Variants in TBC1D8 observed in about 807,000 individuals in gnomAD.
The protein encoded by TBC1D8 is BUB2-like protein 1.
In TBC1D8, 65 loss-of-function variants were observed where a neutral mutation model predicts 118.8. The observed-to-expected ratio is 0.55, with a 90% CI of 0.45 to 0.67. The LOEUF is 0.67. Ranked by LOEUF, TBC1D8 falls within the 30% of genes least tolerant of loss-of-function variation. TBC1D8 has a pLI of 0.00. For synonymous variants in TBC1D8, 566 were observed against 595.8 expected, an observed-to-expected ratio of 0.95 and a Z score of 0.73; for missense variants, 1,376 against 1,471.2, an observed-to-expected ratio of 0.94 and a Z score of 1.06.
At chr2:101,030,842 G>A (rs189569991) in intron 11 of TBC1D8, among the ~76,000 whole-genome samples, 7 of 152,358 alleles carry the variant, frequency 4.6e-5, no homozygotes, top group Admixed American at 2.6e-4. Context: ...CAATGTGGCT[G>A]CCTCTTACAG....
At chr2:101,068,895 G>A (rs538268782) in intron 2 of TBC1D8, among the ~76,000 whole-genome samples, 100 of 151,868 alleles carry the variant, frequency 6.6e-4, no homozygotes, top group Non-Finnish European at 1.0e-3. Flanking sequence ...AGATACTCAG[G>A]AGGCTGAGGC....
At chr2:101,053,081 C>A (rs940288021) in intron 4 of TBC1D8, among the ~76,000 whole-genome samples, 1 of 152,116 alleles carries the variant, frequency 6.6e-6, no homozygotes, top group Non-Finnish European at 1.5e-5. Context: ...TGGGACCCAG[C>A]ATAAAAATGC....
intron 1 of TBC1D8, among the ~76,000 whole-genome samples, chr2:101,121,473 A>T (rs56119811): frequency 0.12 from 17,988 of 152,224 alleles, 1,311 homozygotes; most frequent in South Asian, 0.21. Context: ...TGGCACTCAC[A>T]TCCCAGATTC....
intron 3 of TBC1D8, among the ~76,000 whole-genome samples, chr2:101,056,424 G>A (rs1048908702): frequency 6.6e-6 from 1 of 151,972 alleles, no homozygotes; most frequent in African/African-American, 2.4e-5. Flanking sequence ...GGATGGTCTC[G>A]ATTTCCTGAC....
Position 101,028,345 on chromosome 2 carries a change from G to A in TBC1D8, c.2310C>T (p.Tyr770=). ...TCAGGTCCGAAATATCAGTCACAGG[G>A]TAGGGCTCCTGGTCGTCGGAGAAAA... is the stretch of plus-strand genomic sequence containing the variant. The part of the protein sequence containing the change: ...HAFFSDDQEP[Y]PVTDISDLIR... Residue 770 remains tyrosine, a synonymous_variant, in exon 13 of 20, where the codon TAC becomes TAT. Transcript: ENST00000409318. 2 of 1,613,008 alleles carry A rather than the reference G, an allele frequency of 1.2e-6. No individual in the cohort carries two copies. Among genetic ancestry groups the A allele is most frequent in the Non-Finnish European group, 1.7e-6 (2 of 1,179,488 alleles).
chr2:101,114,329 G>A (rs917506662), intron 1 of TBC1D8, among the ~76,000 whole-genome samples: 8 of 151,238 alleles, frequency 5.3e-5, no homozygotes, highest in Admixed American at 6.6e-5. Flanking sequence ...ATAAGGGGGT[G>A]CAAGGGTAAG....
intron 17 of TBC1D8, chr2:101,019,380 T>C (rs1679886116): frequency 5.3e-6 from 1 of 187,488 alleles, no homozygotes; most frequent in Admixed American, 5.8e-5. Context: ...TTTTTCATTA[T>C]GAAAGTAAGT....
chr2:101,040,824 G>A (rs1195528329), intron 5 of TBC1D8, among the ~76,000 whole-genome samples: 1 of 152,238 alleles, frequency 6.6e-6, no homozygotes, highest in Non-Finnish European at 1.5e-5. Flanking sequence ...AGTGCAAAAA[G>A]GCACCATGCA....
intron 17 of TBC1D8, among the ~76,000 whole-genome samples, chr2:101,012,428 G>A (rs943923134): frequency 9.8e-5 from 15 of 152,338 alleles, no homozygotes; most frequent in Admixed American, 9.1e-4. Context: ...CATGCTAGGT[G>A]AGAGAAGTCG....
chr2:101,064,032 C>T (rs17025242), intron 2 of TBC1D8, among the ~76,000 whole-genome samples: 11,847 of 152,226 alleles, frequency 0.078, 1,309 homozygotes, highest in African/African-American at 0.24. Flanking sequence ...AATGTTCTCA[C>T]TGCTGCTTCT....
chr2:101,109,217 G>C (rs1677422927), intron 1 of TBC1D8, among the ~76,000 whole-genome samples: 1 of 152,108 alleles, frequency 6.6e-6, no homozygotes, highest in Admixed American at 6.6e-5. Flanking sequence ...CGGTACAAAG[G>C]ACCAGCACCA....
intron 3 of TBC1D8, among the ~76,000 whole-genome samples, 166 bp from the exon 4 acceptor site, chr2:101,054,502 C>T (rs564844217): frequency 2.6e-5 from 4 of 151,672 alleles, no homozygotes; most frequent in East Asian, 1.9e-4. Flanking sequence ...CCGTGTCATC[C>T]GTCAGCCACC....
intron 1 of TBC1D8, among the ~76,000 whole-genome samples, chr2:101,093,480 CCA>C (rs1676185416): frequency 6.6e-6 from 1 of 152,058 alleles, no homozygotes; most frequent in Non-Finnish European, 1.5e-5. Context: ...CAATCCAATA[CCA>C]CAGAGTTCTC....
chr2:101,134,732 T>C (rs932364735), intron 1 of TBC1D8, among the ~76,000 whole-genome samples: 6 of 152,206 alleles, frequency 3.9e-5, no homozygotes, highest in African/African-American at 1.4e-4. Flanking sequence ...TCTTCAAATA[T>C]AGTCACACTG....
At chr2:101,032,580 G>C in intron 10 of TBC1D8, 195 bp from the exon 11 acceptor site, 3 of 528,326 alleles carry the variant, frequency 5.7e-6, no homozygotes, top group Admixed American at 3.1e-5. Context: ...ACGCCCAGCT[G>C]AGCGATCGGC....
At chr2:101,014,324 A>G (rs890802895) in intron 17 of TBC1D8, among the ~76,000 whole-genome samples, 4 of 152,150 alleles carry the variant, frequency 2.6e-5, no homozygotes, top group African/African-American at 9.7e-5. Context: ...GCTGCCCATC[A>G]TCGAATCAAA....
intron 1 of TBC1D8, among the ~76,000 whole-genome samples, chr2:101,112,405 G>A (rs992785016): frequency 1.4e-4 from 21 of 152,154 alleles, no homozygotes; most frequent in African/African-American, 4.6e-4. Context: ...TTCATTTCTC[G>A]TCGTGAACAG....
At chr2:101,052,290 C>T (rs1192717645) in intron 4 of TBC1D8, among the ~76,000 whole-genome samples, 1 of 152,066 alleles carries the variant, frequency 6.6e-6, no homozygotes, top group Non-Finnish European at 1.5e-5. Flanking sequence ...ACAAACAGTA[C>T]ATTTTAGAAA....
intron 1 of TBC1D8, among the ~76,000 whole-genome samples, chr2:101,133,220 T>C (rs1296269390): frequency 6.6e-6 from 1 of 151,928 alleles, no homozygotes; most frequent in Admixed American, 6.6e-5. Context: ...TTATCTAACT[T>C]AGACAATTCT....
Sources: allele counts gnomAD v4.1 joint callset (sites outside exome capture counted in the v4.1 genomes callset), GRCh38; gene constraint gnomAD v4.1.1; transcripts MANE v1.5; gene names NCBI Gene and HGNC (gene_info 2026-07-23, HGNC 2026-07-21).